Variants in DNAH14 observed in about 807,000 individuals in gnomAD.
DNAH14 encodes axonemal beta dynein heavy chain 14.
Under a neutral mutation model 520.9 loss-of-function variants are expected in DNAH14, and 478 were observed. The observed-to-expected ratio is 0.92, with a 90% CI of 0.85 to 0.99. The LOEUF is 0.99. Among genes scored for constraint, DNAH14 ranks in the 50% least tolerant of loss-of-function variants. The pLI, the probability that DNAH14 is intolerant of heterozygous loss-of-function variation, is 0.00. For synonymous variants in DNAH14, 1,581 were observed against 1,757.2 expected (o/e 0.90, Z 2.51); for missense variants, 4,831 against 5,234.5 (o/e 0.92, Z 2.38).
Position 225,324,273 on chromosome 1 carries a change from A to G in DNAH14, c.9547A>G (p.Lys3183Glu), listed in dbSNP as rs1219166627. Reference sequence around the variant, plus strand: ...AACCTTACCTGATTTCAACCCACACAAGATTTCGCTGGTTTCTGTTGCTTG... The same window carrying G: ...AACCTTACCTGATTTCAACCCACACGAGATTTCGCTGGTTTCTGTTGCTTG... The part of the protein sequence containing the change: ...IVTLPDFNPH[K>E]ISLVSVACCS... The change falls in exon 63 of 86, where the codon AAG becomes GAG. Residue 3183 changes from lysine to glutamate, a missense_variant. Transcript: ENST00000682510. 4.5e-6 allele frequency: 7 copies of G among 1,551,632 alleles called. No homozygotes were observed. The highest frequency in any genetic ancestry group is 5.2e-6 in the Non-Finnish European group (6 of 1,147,006).
At chr1:225,172,790 C>G (rs549831260) in intron 36 of DNAH14, among the ~76,000 whole-genome samples, 1 of 152,092 alleles carries the variant, frequency 6.6e-6, no homozygotes, top group African/African-American at 2.4e-5. Flanking sequence ...AAAAAGAGCC[C>G]GCATTGCCAA....
chr1:225,056,597 T>C (rs1373017201), intron 17 of DNAH14, among the ~76,000 whole-genome samples: 2 of 152,200 alleles, frequency 1.3e-5, no homozygotes, highest in Non-Finnish European at 2.9e-5. Context: ...AGATATGAAG[T>C]CCTTGCCCAT....
chr1:225,392,246 C>T (rs926034586), intron 83 of DNAH14, 45 bp from the exon 84 acceptor site: 2 of 1,546,994 alleles, frequency 1.3e-6, no homozygotes, highest in Non-Finnish European at 1.7e-6. Context: ...AGCAGGAGGC[C>T]CTGAGACTCA....
intron 71 of DNAH14, among the ~76,000 whole-genome samples, chr1:225,349,160 A>T (rs1437120924): frequency 6.6e-6 from 1 of 152,168 alleles, no homozygotes; most frequent in Non-Finnish European, 1.5e-5. Context: ...TTTGGTAGAG[A>T]CGAGGTCTCA....
chr1:225,255,513 A>G (rs2092702542), intron 44 of DNAH14, among the ~76,000 whole-genome samples: 1 of 152,156 alleles, frequency 6.6e-6, no homozygotes, highest in African/African-American at 2.4e-5. Flanking sequence ...TTACATATCC[A>G]GGTACCCATA....
intron 27 of DNAH14, among the ~76,000 whole-genome samples, chr1:225,127,059 T>C (rs1296971309): frequency 1.3e-5 from 2 of 151,426 alleles, no homozygotes; most frequent in Non-Finnish European, 3.0e-5. Flanking sequence ...TTGATTGCAC[T>C]GTGGTCTGAG....
chr1:225,342,901 C>T (rs565490109), intron 69 of DNAH14, among the ~76,000 whole-genome samples: 3 of 150,920 alleles, frequency 2.0e-5, no homozygotes, highest in Non-Finnish European at 3.0e-5. Context: ...TCTTGGCCGG[C>T]GCTCACAGGT....
At chr1:225,106,702 A>T (rs2076083330) in intron 23 of DNAH14, among the ~76,000 whole-genome samples, 1 of 152,082 alleles carries the variant, frequency 6.6e-6, no homozygotes, top group African/African-American at 2.4e-5. Context: ...TTCGTCACAT[A>T]GTTCTTGTGC....
chr1:225,360,965 T>C lies in DNAH14; in HGVS notation c.11987+74T>C, dbSNP rs1468449905. On this transcript the variant is annotated intron_variant, in intron 75 of 85. Transcript: ENST00000682510. ...TATAAAGTAAAACTGGAAATGTCAATGTATACTGTGTGTAAACAATAGCAA... is the reference window on the plus strand; with the variant it reads ...TATAAAGTAAAACTGGAAATGTCAACGTATACTGTGTGTAAACAATAGCAA... 4 of 1,329,472 alleles carry C rather than the reference T, an allele frequency of 3.0e-6. No individual in the cohort carries two copies. In the African/African-American group the frequency reaches 4.4e-5, roughly 15 times the overall value. The allele number at this position is 1,329,472 out of a possible 1,614,324, so 82.4% of individuals were successfully genotyped here.
In DNAH14 at chr1:225,381,367, T is replaced by C. The variant is rs1471771458; in HGVS notation, c.12881-16T>C. The C allele has an allele frequency of 1.3e-6, 2 of 1,525,006 alleles. No individual in the cohort carries two copies. The highest frequency in any genetic ancestry group is 4.9e-5 in the East Asian group (2 of 40,758). The allele number at this position is 1,525,006 out of a possible 1,614,324, so 94.5% of individuals were successfully genotyped here. ...ATCTGTAAAATATCAAAATTTTATT[T>C]CTTTTTAAAATCCAGATCACGACCC... On this transcript the variant is annotated splice_polypyrimidine_tract_variant and intron_variant, in intron 80 of 85. Transcript: ENST00000682510.
At chr1:224,963,714 T>C (rs2060982187) in intron 4 of DNAH14, among the ~76,000 whole-genome samples, 1 of 152,088 alleles carries the variant, frequency 6.6e-6, no homozygotes, top group Non-Finnish European at 1.5e-5. Flanking sequence ...ACCATATCCT[T>C]AATACTAATT....
intron 61 of DNAH14, among the ~76,000 whole-genome samples, chr1:225,319,969 A>C (rs1226075349): frequency 6.6e-6 from 1 of 152,228 alleles, no homozygotes; most frequent in Non-Finnish European, 1.5e-5. Flanking sequence ...AGGAGATGAC[A>C]TTAGAGAAGT....
chr1:225,236,079 GGTTT>G (rs1300914760), intron 42 of DNAH14, among the ~76,000 whole-genome samples: 4 of 151,782 alleles, frequency 2.6e-5, no homozygotes, highest in African/African-American at 9.7e-5. Context: ...CTAGCTTTGG[GGTTT>G]GTTTGCTCTT....
chr1:224,968,390 T>C (rs1225007260), intron 6 of DNAH14, among the ~76,000 whole-genome samples: 1 of 152,126 alleles, frequency 6.6e-6, no homozygotes, highest in Non-Finnish European at 1.5e-5. Context: ...GATTATAAGA[T>C]TATACACACA....
At chr1:225,361,522 T>G (rs1272262472) in intron 75 of DNAH14, among the ~76,000 whole-genome samples, 1 of 152,268 alleles carries the variant, frequency 6.6e-6, no homozygotes, top group Non-Finnish European at 1.5e-5. Context: ...CTTGGTTTTC[T>G]TTCTTCTTTA....
intron 43 of DNAH14, among the ~76,000 whole-genome samples, chr1:225,248,700 C>G (rs1330026858): frequency 6.6e-6 from 1 of 152,082 alleles, no homozygotes; most frequent in Admixed American, 6.6e-5. Context: ...GCACTCAGAT[C>G]TCGGGAAGGA....
chr1:225,073,124 G>T (rs79980731), intron 17 of DNAH14, among the ~76,000 whole-genome samples: 8,005 of 152,272 alleles, frequency 0.053, 322 homozygotes, highest in Non-Finnish European at 0.078. Context: ...GAGAACACCA[G>T]TGGTGGTAGC....
intron 37 of DNAH14, among the ~76,000 whole-genome samples, chr1:225,190,657 T>C (rs1263510725): frequency 6.6e-6 from 1 of 151,876 alleles, no homozygotes; most frequent in Non-Finnish European, 1.5e-5. Context: ...TGTGTACTTA[T>C]AAGAAAAGGA....
At chr1:225,291,692 G>A (rs12410449) in intron 55 of DNAH14, among the ~76,000 whole-genome samples, 20,239 of 151,888 alleles carry the variant, frequency 0.13, 1,540 homozygotes, top group East Asian at 0.33. Context: ...CATTCCCACC[G>A]ACAGTGTACA....
Sources: allele counts gnomAD v4.1 joint callset (sites outside exome capture counted in the v4.1 genomes callset), GRCh38; gene constraint gnomAD v4.1.1; transcripts MANE v1.5; gene names NCBI Gene and HGNC (gene_info 2026-07-23, HGNC 2026-07-21).